FGF14: variants seen among roughly 807,000 people sequenced by gnomAD.
FGF14 encodes the protein fibroblast growth factor 14, also known as fibroblast growth factor homologous factor 4.
FGF14 carries 5 observed loss-of-function variants against 25.5 expected under a neutral mutation model. The observed-to-expected ratio is 0.20, with a 90% confidence interval of 0.10 to 0.41. The LOEUF is 0.41. Among genes scored for constraint, FGF14 ranks in the 10% least tolerant of loss-of-function variants. The pLI, the probability that FGF14 is intolerant of heterozygous loss-of-function variation, is 1.00. For synonymous variants in FGF14, 138 were observed against 118.3 expected (o/e 1.17, Z -1.08); for missense variants, 222 against 320.1 (o/e 0.69, Z 2.34).
In FGF14 at chr13:101,788,442, GT is replaced by G. The variant is rs540229360; in HGVS notation, c.409-61633del. ...CTCCCTATGGGAAACTTATACATGT[GT>G]GTAAGCACTGAGGAAAACCCTGAAA... On this transcript the variant is annotated intron_variant, in intron 3 of 4. Coordinates refer to ENST00000376143, the MANE Select transcript of FGF14 (RefSeq NM_004115.4). Among the ~76,000 whole-genome samples the G allele has an allele frequency of 3.9e-3, 601 of 152,298 alleles. 7 individuals are homozygous for G. The highest frequency in any genetic ancestry group is 7.7e-3 in the South Asian group (37 of 4,830).
intron 1 of FGF14, among the ~76,000 whole-genome samples, chr13:102,028,163 TTTTC>T (rs1350005749): frequency 1.3e-5 from 2 of 152,074 alleles, no homozygotes; most frequent in Non-Finnish European, 2.9e-5. Context: ...TTTTGATGCC[TTTTC>T]TTTCTTTCTT....
chr13:102,050,511 A>G (rs2042171473), intron 1 of FGF14, among the ~76,000 whole-genome samples: 1 of 152,216 alleles, frequency 6.6e-6, no homozygotes, highest in African/African-American at 2.4e-5. Flanking sequence ...TATATTTCTT[A>G]GGAATAAGCT....
intron 1 of FGF14, among the ~76,000 whole-genome samples, chr13:102,261,563 G>A (rs933712426): frequency 3.9e-5 from 6 of 152,104 alleles, no homozygotes; most frequent in Admixed American, 6.6e-5. Context: ...TTCCCAAACC[G>A]GGGAAGGAAA....
At chr13:102,275,166 C>T (rs2053448009) in intron 1 of FGF14, among the ~76,000 whole-genome samples, 2 of 150,260 alleles carry the variant, frequency 1.3e-5, no homozygotes, top group African/African-American at 4.9e-5. Context: ...TGCATTTTGA[C>T]CTTGTGGGTA....
intron 1 of FGF14, among the ~76,000 whole-genome samples, chr13:102,387,380 C>T (rs2058329169): frequency 6.6e-6 from 1 of 152,048 alleles, no homozygotes; most frequent in Admixed American, 6.5e-5. Context: ...ATGTGTATCT[C>T]CTCTAAGCAA....
chr13:101,745,388 G>T (rs998182009), intron 3 of FGF14, among the ~76,000 whole-genome samples: 1 of 151,916 alleles, frequency 6.6e-6, no homozygotes. Flanking sequence ...TTACATTAGG[G>T]TTCACTTTGG....
chr13:101,886,540 A>C (rs2045996978), intron 1 of FGF14, among the ~76,000 whole-genome samples: 1 of 152,188 alleles, frequency 6.6e-6, no homozygotes, highest in East Asian at 1.9e-4. Context: ...AAATCAACTG[A>C]AAATGTATTA....
chr13:102,078,275 T>G (rs189044672), intron 1 of FGF14, among the ~76,000 whole-genome samples: 13 of 152,296 alleles, frequency 8.5e-5, no homozygotes, highest in Admixed American at 3.3e-4. Flanking sequence ...TCAAAATATT[T>G]TAAGAAGTTC....
intron 1 of FGF14, among the ~76,000 whole-genome samples, chr13:101,992,047 C>T (rs372346253): frequency 6.6e-6 from 1 of 152,128 alleles, no homozygotes; most frequent in Non-Finnish European, 1.5e-5. Context: ...GCTGAGAGTA[C>T]TTGTAAAGGC....
intron 1 of FGF14, among the ~76,000 whole-genome samples, chr13:101,938,281 C>CA (rs1421206062): frequency 6.6e-6 from 1 of 151,260 alleles, no homozygotes. Flanking sequence ...TACACAACAA[C>CA]AACAAAAAAA....
intron 1 of FGF14, among the ~76,000 whole-genome samples, chr13:102,045,687 C>G (rs953507272): frequency 2.0e-5 from 3 of 152,096 alleles, no homozygotes; most frequent in East Asian, 1.9e-4. Flanking sequence ...ATCCCTGATA[C>G]AGTTTAGAGA....
At chr13:101,822,109 T>G (rs2042183242) in intron 3 of FGF14, among the ~76,000 whole-genome samples, 2 of 152,200 alleles carry the variant, frequency 1.3e-5, no homozygotes, top group Non-Finnish European at 2.9e-5. Flanking sequence ...TCATTTGTGT[T>G]GTCTTTTAGA....
chr13:102,258,928 C>T (rs910742128), intron 1 of FGF14, among the ~76,000 whole-genome samples: 1 of 152,152 alleles, frequency 6.6e-6, no homozygotes, highest in African/African-American at 2.4e-5. Flanking sequence ...TTCAGGGGCT[C>T]TTTATGCCTC....
intron 3 of FGF14, among the ~76,000 whole-genome samples, chr13:101,748,408 CACTT>C (rs1477319124): frequency 6.6e-6 from 1 of 151,728 alleles, no homozygotes; most frequent in Non-Finnish European, 1.5e-5. Context: ...CACATGTTCT[CACTT>C]ATAAGTGGGA....
At chr13:102,390,795 AAAGAGTAAT>A (rs1159483013) in intron 1 of FGF14, among the ~76,000 whole-genome samples, 2 of 152,230 alleles carry the variant, frequency 1.3e-5, no homozygotes, top group African/African-American at 4.8e-5. Flanking sequence ...TGTTAAAGCA[AAAGAGTAAT>A]ATAATTTTAA....
At chr13:102,117,651 C>T (rs2045535878) in intron 1 of FGF14, among the ~76,000 whole-genome samples, 4 of 152,244 alleles carry the variant, frequency 2.6e-5, no homozygotes, top group South Asian at 2.1e-4. Flanking sequence ...GTGGCACACC[C>T]ATCCACTATG....
At chr13:101,974,999 G>C (rs2037835036) in intron 1 of FGF14, among the ~76,000 whole-genome samples, 1 of 152,100 alleles carries the variant, frequency 6.6e-6, no homozygotes, top group Non-Finnish European at 1.5e-5. Flanking sequence ...GAGAGGCAGG[G>C]GAGTGGGGTG....
At chr13:101,944,299 G>C (rs2035669262) in intron 1 of FGF14, among the ~76,000 whole-genome samples, 1 of 152,066 alleles carries the variant, frequency 6.6e-6, no homozygotes, top group African/African-American at 2.4e-5. Flanking sequence ...TGTAATGTTT[G>C]TCACAGAACA....
intron 1 of FGF14, among the ~76,000 whole-genome samples, chr13:101,901,133 G>A (rs1184033125): frequency 6.6e-6 from 1 of 152,054 alleles, no homozygotes; most frequent in East Asian, 1.9e-4. Flanking sequence ...ATTCTGTTAG[G>A]TTGTCTCCTG....
Sources: gnomAD v4.1 joint callset for allele counts (sites outside exome capture counted in the v4.1 genomes callset) on GRCh38, gnomAD v4.1.1 for gene constraint, MANE v1.5 for transcripts, NCBI Gene and HGNC (gene_info 2026-07-23, HGNC 2026-07-21) for gene names.